Variants in CALB2 observed in about 807,000 individuals in gnomAD.
The protein encoded by CALB2 is calbindin 2, also known as calretinin.
A neutral mutation model predicts 45.9 loss-of-function variants in CALB2; 34 were observed. That is an observed-to-expected ratio of 0.74 (90% CI 0.56 to 0.99). The LOEUF is 0.99. CALB2 is among the 50% of genes least tolerant of loss of function. The pLI is 0.00. For missense variants in CALB2, 344 were observed against 339.3 expected (o/e 1.01, Z -0.11); for synonymous variants, 142 against 129.6 (o/e 1.10, Z -0.65).
chr16:71,388,346 A>AAAAG (rs1555527414), intron 10 of CALB2, among the ~76,000 whole-genome samples: 7 of 137,150 alleles, frequency 5.1e-5, no homozygotes, highest in South Asian at 2.6e-4. Context: ...AAAAAAAAAA[A>AAAAG]AAAAAGAAAA....
chr16:71,359,768 ACT>A (rs757841639), intron 1 of CALB2, among the ~76,000 whole-genome samples: 7 of 151,948 alleles, frequency 4.6e-5, no homozygotes, highest in Non-Finnish European at 4.4e-5. Context: ...ATCACTAGAG[ACT>A]CTGTTTCTGT....
At chr16:71,373,515 G>T (rs1428908235) in intron 2 of CALB2, among the ~76,000 whole-genome samples, 3 of 152,230 alleles carry the variant, frequency 2.0e-5, no homozygotes, top group African/African-American at 7.2e-5. Flanking sequence ...TTTGCATCTA[G>T]AATCCTTCTC....
chr16:71,365,780 T>C (rs962940354), intron 1 of CALB2, among the ~76,000 whole-genome samples: 1 of 152,014 alleles, frequency 6.6e-6, no homozygotes, highest in Non-Finnish European at 1.5e-5. Context: ...ACTTTTTATG[T>C]ACCCTAAAGT....
chr16:71,389,871 G>C lies in CALB2; in HGVS notation c.*6G>C. 1.9e-6 allele frequency: 3 copies of C among 1,597,154 alleles called. No homozygotes were observed. Among genetic ancestry groups the C allele is most frequent in the Non-Finnish European group, 2.6e-6 (3 of 1,165,700 alleles). On this transcript the variant is annotated 3_prime_UTR_variant, in exon 11 of 11. Transcript: ENST00000302628. The stretch of plus-strand genomic sequence containing the variant: ...GCAGCGAGCCCCCCATGTAAAGTGG[G>C]GACGGGGGCTGCTTCTCCACCTCCC...
intron 2 of CALB2, 67 bp from the exon 3 acceptor site, chr16:71,374,678 C>T (rs2042391195): frequency 1.8e-6 from 2 of 1,109,044 alleles, no homozygotes; most frequent in Admixed American, 3.5e-5. Flanking sequence ...TTCCAAGCTT[C>T]CTGCTCTGAG....
Position 71,374,462 on chromosome 16 carries a change from G to A in CALB2, c.172-283G>A, listed in dbSNP as rs143178089. On this transcript the variant is annotated intron_variant, in intron 2 of 10. Transcript: ENST00000302628. ...TCCAAACCCTTCCTATAGAGTTGTA[G>A]CTTAATCCATCTCAAAGGCAGCAGG... 3.2e-3 allele frequency among the ~76,000 whole-genome samples: 491 copies of A among 152,276 alleles called. 1 individual carries two copies. Among genetic ancestry groups the A allele is most frequent in the Middle Eastern group, 0.01 (3 of 294 alleles).
rs760394982 is a variant in CALB2, at chr16:71,372,254, G to A, written c.171+25G>A. 6 of 1,578,046 alleles carry A rather than the reference G, an allele frequency of 3.8e-6. No homozygotes were observed. In the South Asian group the frequency reaches 6.7e-5, roughly 18 times the overall value. Reference sequence around the variant, plus strand: ...GGTAAGCCCAGCCCTGTCTCCGATTGTGTGGGATTTTCCTGACCTATGCCT... The same window carrying A: ...GGTAAGCCCAGCCCTGTCTCCGATTATGTGGGATTTTCCTGACCTATGCCT... On this transcript the variant is annotated intron_variant, in intron 2 of 10. Transcript: ENST00000302628.
intron 2 of CALB2, among the ~76,000 whole-genome samples, chr16:71,373,227 T>C (rs1462733772): frequency 6.6e-6 from 1 of 152,184 alleles, no homozygotes; most frequent in Non-Finnish European, 1.5e-5. Flanking sequence ...GCTGCGTGTC[T>C]GTTGGCCAAT....
chr16:71,372,140 T>C lies in CALB2; in HGVS notation c.95-13T>C. The C allele has an allele frequency of 6.3e-7, 1 of 1,587,606 alleles. No homozygotes were observed. Among genetic ancestry groups the C allele is most frequent in the Non-Finnish European group, 8.6e-7 (1 of 1,157,024 alleles). ...TTAGTGCTGAGATTGATTTTTTCTCTCTCTTTTTACAGGAAATGGGTATAT... is the reference window on the plus strand; with the variant it reads ...TTAGTGCTGAGATTGATTTTTTCTCCCTCTTTTTACAGGAAATGGGTATAT... On this transcript the variant is annotated splice_polypyrimidine_tract_variant and intron_variant, in intron 1 of 10. Transcript: ENST00000302628.
chr16:71,373,881 T>C lies in CALB2; in HGVS notation c.172-864T>C, dbSNP rs544228984. On this transcript the variant is annotated intron_variant, in intron 2 of 10. Transcript: ENST00000302628. ...ATAAATATTGACAAATTGATACTAA[T>C]TCCAAAAGTAAAAAGCAATCAGAGG... Among the ~76,000 whole-genome samples the C allele has an allele frequency of 1.1e-4, 17 of 152,322 alleles. No individual in the cohort carries two copies. The East Asian group carries it at 3.3e-3, about 29-fold the overall frequency.
At chr16:71,368,907 T>C (rs1422889432) in intron 1 of CALB2, among the ~76,000 whole-genome samples, 2 of 152,170 alleles carry the variant, frequency 1.3e-5, no homozygotes, top group Admixed American at 1.3e-4. Flanking sequence ...TTAAACCTCC[T>C]TCAAACCTTT....
At chr16:71,360,018 G>A (rs2042223459) in intron 1 of CALB2, among the ~76,000 whole-genome samples, 1 of 152,232 alleles carries the variant, frequency 6.6e-6, no homozygotes, top group South Asian at 2.1e-4. Flanking sequence ...CCCCCAGGGG[G>A]CCAGGCTCAG....
rs749119287 is a variant in CALB2, at chr16:71,377,759, G to A, written c.342+12G>A. 2 of 1,604,642 alleles carry A rather than the reference G, an allele frequency of 1.2e-6. No homozygotes were observed. Among genetic ancestry groups the A allele is most frequent in the Non-Finnish European group, 8.5e-7 (1 of 1,171,444 alleles). ...CCGAGTTTATGGAGGTGAGGCCAAG[G>A]CACCACCTTCTTTCTAAGCACTGGG... is the stretch of plus-strand genomic sequence containing the variant. On this transcript the variant is annotated intron_variant, in intron 4 of 10. Coordinates refer to ENST00000302628, the MANE Select transcript of CALB2 (RefSeq NM_001740.5).
intron 4 of CALB2, among the ~76,000 whole-genome samples, chr16:71,379,634 A>G (rs1163099269): frequency 6.6e-6 from 1 of 152,218 alleles, no homozygotes; most frequent in Non-Finnish European, 1.5e-5. Context: ...GCTCTGATAA[A>G]TAATAACTGG....
intron 1 of CALB2, among the ~76,000 whole-genome samples, chr16:71,365,490 G>C (rs1366876768): frequency 1.1e-4 from 16 of 152,208 alleles, no homozygotes; most frequent in Non-Finnish European, 2.2e-4. Context: ...ACACTCATAT[G>C]TCTGGCCTAG....
chr16:71,375,649 C>A (rs1481536467), intron 3 of CALB2, among the ~76,000 whole-genome samples: 1 of 152,196 alleles, frequency 6.6e-6, no homozygotes, highest in Non-Finnish European at 1.5e-5. Context: ...GTGCCTGAGA[C>A]AGAGATTTGA....
intron 4 of CALB2, among the ~76,000 whole-genome samples, chr16:71,381,851 C>CA (rs1472704859): frequency 2.6e-5 from 4 of 151,586 alleles, no homozygotes; most frequent in South Asian, 2.1e-4. Context: ...CCCATCTCTA[C>CA]AAAAAAATAA....
Position 71,383,444 on chromosome 16 carries a change from A to G in CALB2, c.477A>G (p.Ile159Met). 2.5e-6 allele frequency: 4 copies of G among 1,613,976 alleles called. No homozygotes were observed. The South Asian group carries it at 3.3e-5, about 13-fold the overall frequency. ...EPKLQEYTQT[I>M]LRMFDLNGDG... ...AGCTCCAGGAATACACCCAAACCATAGTGAGTGAACAGAAGTGTCCCTCTC... is the reference window on the plus strand; with the variant it reads ...AGCTCCAGGAATACACCCAAACCATGGTGAGTGAACAGAAGTGTCCCTCTC... Residue 159 changes from isoleucine (I) to methionine (M), a missense_variant and splice_region_variant, in exon 6 of 11, where the codon ATA becomes ATG. By Grantham distance (10) the Ile-to-Met change is conservative. Transcript: ENST00000302628.
intron 10 of CALB2, among the ~76,000 whole-genome samples, chr16:71,388,348 A>G (rs1458241005): frequency 7.0e-5 from 10 of 143,830 alleles, no homozygotes; most frequent in East Asian, 2.1e-4. Flanking sequence ...AAAAAAAAAA[A>G]AAAGAAAAAG....
Sources: gnomAD v4.1 joint callset for allele counts (sites outside exome capture counted in the v4.1 genomes callset) on GRCh38, gnomAD v4.1.1 for gene constraint, MANE v1.5 for transcripts, NCBI Gene and HGNC (gene_info 2026-07-23, HGNC 2026-07-21) for gene names.